The following CFAP20DC variants were observed in gnomAD, a reference collection of about 807,000 sequenced individuals.
CFAP20DC encodes protein CFAP20DC.
CFAP20DC carries 84 observed loss-of-function variants against 101.7 expected under a neutral mutation model. The observed-to-expected ratio is 0.83, with a 90% CI of 0.69 to 0.99. The LOEUF is 0.99. Among genes scored for constraint, CFAP20DC ranks in the 50% least tolerant of loss-of-function variants. CFAP20DC has a pLI of 0.00. For synonymous variants in CFAP20DC, 359 were observed against 351.2 expected (o/e 1.02, Z -0.25); for missense variants, 1,007 against 970.3 (o/e 1.04, Z -0.50).
downstream of CFAP20DC, among the ~76,000 whole-genome samples, chr3:58,716,394 A>C (rs1392729196): frequency 1.3e-5 from 2 of 151,336 alleles, no homozygotes; most frequent in South Asian, 4.2e-4. Context: ...CGATCTCCTG[A>C]CCTCATGATC....
intron 14 of CFAP20DC, among the ~76,000 whole-genome samples, chr3:58,808,089 T>C (rs578108458): frequency 6.6e-6 from 1 of 152,344 alleles, no homozygotes; most frequent in East Asian, 1.9e-4. Flanking sequence ...TATGTATGAT[T>C]GGTGTACTTG....
chr3:58,954,989 A>G (rs867695407), intron 4 of CFAP20DC, among the ~76,000 whole-genome samples: 2 of 151,654 alleles, frequency 1.3e-5, no homozygotes, highest in Non-Finnish European at 2.9e-5. Flanking sequence ...CTATTGAAAT[A>G]AAAACTAAAA....
rs1272020102 is a variant in CFAP20DC, at chr3:58,822,221, A to G, written c.2175+9465T>C. Among the ~76,000 whole-genome samples, 6 of 151,100 alleles carry G rather than the reference A, an allele frequency of 4.0e-5. No homozygotes were observed. In the East Asian group the frequency reaches 1.2e-3, roughly 30 times the overall value. ...GATGAGGAGTTAGTGGGTGCAGCACATCAGCATGGCACATGTATACATATG... is the reference window on the plus strand; with the variant it reads ...GATGAGGAGTTAGTGGGTGCAGCACGTCAGCATGGCACATGTATACATATG... On this transcript the variant is annotated intron_variant, in intron 14 of 16. Coordinates refer to ENST00000482387, the MANE Select transcript of CFAP20DC (RefSeq NM_001394063.1).
At chr3:58,910,607 C>A (rs565492042) in intron 6 of CFAP20DC, among the ~76,000 whole-genome samples, 1 of 152,094 alleles carries the variant, frequency 6.6e-6, no homozygotes, top group South Asian at 2.1e-4. Context: ...GTTGTTCTGG[C>A]ATGTGATGAG....
At chr3:59,035,709 C>T (rs2094087669) in intron 4 of CFAP20DC, among the ~76,000 whole-genome samples, 1 of 152,100 alleles carries the variant, frequency 6.6e-6, no homozygotes, top group African/African-American at 2.4e-5. Flanking sequence ...AATTAATACC[C>T]TACCAACCAA....
At chr3:58,780,862 C>A (rs1163074850) in intron 15 of CFAP20DC, among the ~76,000 whole-genome samples, 1 of 151,892 alleles carries the variant, frequency 6.6e-6, no homozygotes, top group African/African-American at 2.4e-5. Flanking sequence ...CCACTCCCAG[C>A]ATTAGTCAGA....
chr3:58,967,092 C>T (rs1328826312), intron 4 of CFAP20DC, among the ~76,000 whole-genome samples: 2 of 152,134 alleles, frequency 1.3e-5, no homozygotes, highest in Non-Finnish European at 2.9e-5. Flanking sequence ...ACTCCCATTT[C>T]CCGATTTAAA....
intron 4 of CFAP20DC, among the ~76,000 whole-genome samples, chr3:59,032,499 C>T (rs970353589): frequency 1.3e-5 from 2 of 152,146 alleles, no homozygotes; most frequent in African/African-American, 4.8e-5. Context: ...CTGGAACACT[C>T]GAGCTTGGTG....
chr3:58,800,596 G>C (rs898059404), intron 15 of CFAP20DC, among the ~76,000 whole-genome samples: 1 of 152,168 alleles, frequency 6.6e-6, no homozygotes, highest in Non-Finnish European at 1.5e-5. Context: ...GTCAGGACTG[G>C]AGATATAAAT....
At chr3:58,889,339 T>A (rs1041598169) in intron 6 of CFAP20DC, among the ~76,000 whole-genome samples, 1 of 152,094 alleles carries the variant, frequency 6.6e-6, no homozygotes, top group Non-Finnish European at 1.5e-5. Context: ...AGAAGCAGTA[T>A]GAAACCTAAC....
At chr3:58,948,735 T>C (rs956005357) in intron 4 of CFAP20DC, among the ~76,000 whole-genome samples, 4 of 152,232 alleles carry the variant, frequency 2.6e-5, no homozygotes, top group African/African-American at 9.6e-5. Context: ...ATCAGGGATA[T>C]TGGTCTAAAA....
In CFAP20DC at chr3:58,865,047, A is replaced by G. The variant is rs114397351; in HGVS notation, c.1259-1155T>C. On this transcript the variant is annotated intron_variant, in intron 11 of 16. Coordinates refer to ENST00000482387, the MANE Select transcript of CFAP20DC (RefSeq NM_001394063.1). ...GTTGAAAGCATGCTTTCTTCTTTAG[A>G]ATGACAGTAGGAAAAAGGTGAGCAT... Among the ~76,000 whole-genome samples, 307 of 151,994 alleles carry G rather than the reference A, an allele frequency of 2.0e-3. 3 individuals are homozygous for G. The highest frequency in any genetic ancestry group is 7.2e-3 in the African/African-American group (300 of 41,478).
At chr3:58,970,704 T>C (rs959416785) in intron 4 of CFAP20DC, 8 of 152,172 alleles carry the variant, frequency 5.3e-5, no homozygotes, top group Non-Finnish European at 1.0e-4. Context: ...TCTTGGAGTT[T>C]CAATTTCCTC....
At chr3:58,956,893 G>T (rs1013628018) in intron 4 of CFAP20DC, among the ~76,000 whole-genome samples, 1 of 152,116 alleles carries the variant, frequency 6.6e-6, no homozygotes, top group African/African-American at 2.4e-5. Flanking sequence ...ATCATATCTC[G>T]TGAGAACTCA....
Position 58,979,368 on chromosome 3 carries a change from T to G in CFAP20DC, c.279-41606A>C, listed in dbSNP as rs115817753. ...TATAAGGATTGAATGCAATAATGTA[T>G]GTAAATTGCTTAGTATAGTCTGAAT... is the stretch of plus-strand genomic sequence containing the variant. On this transcript the variant is annotated intron_variant, in intron 4 of 16. Transcript: ENST00000482387. 2.7e-3 allele frequency among the ~76,000 whole-genome samples: 415 copies of G among 152,332 alleles called. 1 individual carries two copies. Among genetic ancestry groups the G allele is most frequent in the African/African-American group, 9.4e-3 (391 of 41,568 alleles).
intron 15 of CFAP20DC, among the ~76,000 whole-genome samples, chr3:58,800,623 T>C (rs1321491828): frequency 6.6e-6 from 1 of 152,146 alleles, no homozygotes; most frequent in Non-Finnish European, 1.5e-5. Flanking sequence ...GTTGTTGGAA[T>C]ATAGGAATAT....
At chr3:58,980,765 A>C (rs2092502544) in intron 4 of CFAP20DC, among the ~76,000 whole-genome samples, 1 of 152,218 alleles carries the variant, frequency 6.6e-6, no homozygotes. Context: ...AATGGGCAAA[A>C]ACTAGAGGCA....
chr3:58,752,520 G>T (rs2068644551), intron 16 of CFAP20DC, among the ~76,000 whole-genome samples: 1 of 151,922 alleles, frequency 6.6e-6, no homozygotes. Flanking sequence ...ATATACCTTG[G>T]GTGCCTTTGC....
chr3:58,969,207 G>A (rs561852995), intron 4 of CFAP20DC, among the ~76,000 whole-genome samples: 1 of 152,096 alleles, frequency 6.6e-6, no homozygotes, highest in African/African-American at 2.4e-5. Flanking sequence ...TCTTCAAGAA[G>A]GTATACAAAT....
Sources: gnomAD v4.1 joint callset for allele counts (sites outside exome capture counted in the v4.1 genomes callset) on GRCh38, gnomAD v4.1.1 for gene constraint, MANE v1.5 for transcripts, NCBI Gene and HGNC (gene_info 2026-07-23, HGNC 2026-07-21) for gene names.